TRAPPC12: variants seen among roughly 807,000 people sequenced by gnomAD.
TRAPPC12 encodes TPR repeat protein 15.
In TRAPPC12, 61 loss-of-function variants were observed where a neutral mutation model predicts 69.2. That is an observed-to-expected ratio of 0.88 (90% CI 0.72 to 1.09). The LOEUF (loss-of-function observed/expected upper bound fraction) is 1.09, where lower values mean the gene tolerates loss of function less well. TRAPPC12 is among the 50% of genes least tolerant of loss of function. The probability of loss-of-function intolerance (pLI) is 0.00; values close to 1 mark genes in which losing one functional copy is unlikely to be tolerated. For missense variants in TRAPPC12, 1,101 were observed against 1,016.4 expected, an observed-to-expected ratio of 1.08 and a Z score of -1.13; for synonymous variants, 469 against 438.9, an observed-to-expected ratio of 1.07 and a Z score of -0.86.
At chr2:3,458,207 T>C in intron 7 of TRAPPC12, 1 of 997,192 alleles carries the variant, frequency 1.0e-6, no homozygotes, top group Non-Finnish European at 1.2e-6. Flanking sequence ...TGGGTTGACA[T>C]GAGCTGATCT....
chr2:3,460,377 G>A (rs1665423429), intron 8 of TRAPPC12, 41 bp downstream of exon 8: 1 of 854,940 alleles, frequency 1.2e-6, no homozygotes, highest in African/African-American at 1.6e-5. Flanking sequence ...TGATCTGGAA[G>A]AGCGGGGTCA....
chr2:3,422,169 C>T (rs558452030), intron 4 of TRAPPC12, among the ~76,000 whole-genome samples, 175 bp downstream of exon 4: 12 of 152,322 alleles, frequency 7.9e-5, no homozygotes, highest in South Asian at 2.1e-4. Context: ...CACTTCGGCC[C>T]GTCAGGATGC....
intron 2 of TRAPPC12, among the ~76,000 whole-genome samples, chr2:3,396,278 C>G (rs564227739): frequency 2.5e-4 from 38 of 151,702 alleles, no homozygotes; most frequent in African/African-American, 9.2e-4. Flanking sequence ...AAGATGCCAT[C>G]CCACTGTCTT....
At chr2:3,393,483 T>A (rs1172676888) in intron 2 of TRAPPC12, among the ~76,000 whole-genome samples, 4 of 152,154 alleles carry the variant, frequency 2.6e-5, no homozygotes, top group Non-Finnish European at 5.9e-5. Flanking sequence ...GAGCAGATTT[T>A]AAGTGTCCTC....
At chr2:3,395,317 C>T (rs929449474) in intron 2 of TRAPPC12, among the ~76,000 whole-genome samples, 6 of 152,052 alleles carry the variant, frequency 3.9e-5, no homozygotes, top group Non-Finnish European at 7.4e-5. Flanking sequence ...CAAACGTTTT[C>T]TCCATCTTTC....
intron 5 of TRAPPC12, among the ~76,000 whole-genome samples, chr2:3,426,153 G>C (rs1217542449): frequency 6.6e-6 from 1 of 152,056 alleles, no homozygotes; most frequent in South Asian, 2.1e-4. Context: ...TAGTCTCACT[G>C]GTATTAAAAT....
chr2:3,439,458 A>AT (rs761634976), intron 5 of TRAPPC12, among the ~76,000 whole-genome samples: 20 of 152,004 alleles, frequency 1.3e-4, no homozygotes, highest in African/African-American at 4.6e-4. Flanking sequence ...TAGTTTTTGT[A>AT]TTTTTTGTAG....
intron 9 of TRAPPC12, among the ~76,000 whole-genome samples, chr2:3,475,037 A>G (rs1666237869): frequency 6.6e-6 from 1 of 151,956 alleles, no homozygotes; most frequent in South Asian, 2.1e-4. Context: ...GCCTGTAGCT[A>G]TTTCTACTTT....
In TRAPPC12 at chr2:3,407,505, A is replaced by G. The variant is rs189484465; in HGVS notation, c.1164+5612A>G. The stretch of plus-strand genomic sequence containing the variant: ...GTGGTATACTTTAGATTCTGATTTT[A>G]AAAATAGTTTCTTTGCTTCATATTT... On this transcript the variant is annotated intron_variant, in intron 3 of 11. Coordinates refer to ENST00000324266, the MANE Select transcript of TRAPPC12 (RefSeq NM_016030.6). Among the ~76,000 whole-genome samples the G allele has an allele frequency of 1.1e-4, 16 of 152,326 alleles. No homozygotes were observed. In the East Asian group the frequency reaches 1.3e-3, roughly 13 times the overall value.
intron 3 of TRAPPC12, among the ~76,000 whole-genome samples, chr2:3,409,664 T>C (rs1406511089): frequency 6.9e-6 from 1 of 144,408 alleles, no homozygotes; most frequent in African/African-American, 2.6e-5. Flanking sequence ...GTGGGAGGAT[T>C]GCCAGAGCCC....
In TRAPPC12 at chr2:3,414,567, G is replaced by T. The variant is rs1662239034; in HGVS notation, c.1165-7314G>T. Among the ~76,000 whole-genome samples the T allele has an allele frequency of 6.8e-6, 1 of 146,546 alleles. No homozygotes were observed. The highest frequency in any genetic ancestry group is 1.5e-5 in the Non-Finnish European group (1 of 67,414). On this transcript the variant is annotated intron_variant, in intron 3 of 11. Coordinates refer to ENST00000324266, the MANE Select transcript of TRAPPC12 (RefSeq NM_016030.6). This position sits in a 1 kb window ranked among gnomAD's most constrained non-coding sequence, Gnocchi z 4.9. Reference sequence around the variant, plus strand: ...CCCATCCCCCAGCTGTCCCCGCTGTGCAGTGCCTTGAACGTGCTCTGCCGT... The same window carrying T: ...CCCATCCCCCAGCTGTCCCCGCTGTTCAGTGCCTTGAACGTGCTCTGCCGT...
At chr2:3,431,032 G>A (rs914922915) in intron 5 of TRAPPC12, among the ~76,000 whole-genome samples, 5 of 152,094 alleles carry the variant, frequency 3.3e-5, no homozygotes, top group African/African-American at 1.2e-4. Context: ...TGGGAGATGC[G>A]GTGTTGGGAA....
intron 5 of TRAPPC12, among the ~76,000 whole-genome samples, chr2:3,439,532 A>G (rs1387770101): frequency 6.6e-6 from 1 of 151,894 alleles, no homozygotes; most frequent in Non-Finnish European, 1.5e-5. Flanking sequence ...GGCATCAGCC[A>G]CCATACCTGG....
At chr2:3,473,109 G>A (rs970233732) in intron 9 of TRAPPC12, among the ~76,000 whole-genome samples, 20 of 152,208 alleles carry the variant, frequency 1.3e-4, no homozygotes, top group East Asian at 1.9e-4. Context: ...GCTTCTGCAC[G>A]GATGCAGCCT....
intron 5 of TRAPPC12, among the ~76,000 whole-genome samples, chr2:3,429,844 C>A (rs1438476030): frequency 1.3e-5 from 2 of 152,114 alleles, no homozygotes; most frequent in Admixed American, 6.5e-5. Context: ...ATACTCGGAC[C>A]ATTAACAAAT....
intron 5 of TRAPPC12, among the ~76,000 whole-genome samples, chr2:3,440,892 G>A (rs746859888): frequency 6.6e-6 from 1 of 152,138 alleles, no homozygotes; most frequent in African/African-American, 2.4e-5. Context: ...TTTGTTAAAT[G>A]CTTTTCTACA....
chr2:3,440,367 CAG>C (rs1198906753), intron 5 of TRAPPC12, among the ~76,000 whole-genome samples: 4 of 152,150 alleles, frequency 2.6e-5, no homozygotes, highest in Middle Eastern at 3.2e-3. Context: ...ATTTTTTCAT[CAG>C]AGTTTTATAG....
chr2:3,465,758 C>T (rs781522356), intron 9 of TRAPPC12, 63 bp downstream of exon 9: 41 of 1,073,448 alleles, frequency 3.8e-5, no homozygotes, highest in African/African-American at 7.8e-5. Context: ...CTCAGATGGG[C>T]GACTGTTTGC....
chr2:3,464,072 GC>G (rs1327780127), intron 8 of TRAPPC12, among the ~76,000 whole-genome samples: 1 of 152,046 alleles, frequency 6.6e-6, no homozygotes, highest in Non-Finnish European at 1.5e-5. Context: ...AACCTCAGCC[GC>G]CCCGAGTGCC....
Sources: allele counts gnomAD v4.1 joint callset (sites outside exome capture counted in the v4.1 genomes callset), GRCh38; gene constraint gnomAD v4.1.1; non-coding constraint Gnocchi (gnomAD v3.1); transcripts MANE v1.5; gene names NCBI Gene and HGNC (gene_info 2026-07-23, HGNC 2026-07-21).